Variants in GRM1 observed in about 807,000 individuals in gnomAD.
GRM1 encodes the protein glutamate metabotropic receptor 1.
Under a neutral mutation model 90.9 loss-of-function variants are expected in GRM1, and 33 were observed. That is an observed-to-expected ratio of 0.36 (90% confidence interval 0.28 to 0.49). The LOEUF (loss-of-function observed/expected upper bound fraction) is 0.49. Ranked by LOEUF, GRM1 falls within the 20% of genes least tolerant of loss-of-function variation. The pLI, the probability that GRM1 is intolerant of heterozygous loss-of-function variation, is 0.99. For synonymous variants in GRM1, 700 were observed against 613.2 expected, an observed-to-expected ratio of 1.14 and a Z score of -2.09; for missense variants, 1,190 against 1,534.3, an observed-to-expected ratio of 0.78 and a Z score of 3.75.
intron 1 of GRM1, among the ~76,000 whole-genome samples, chr6:146,139,765 A>G (rs1360326850): frequency 6.6e-6 from 1 of 152,128 alleles, no homozygotes; most frequent in African/African-American, 2.4e-5. Context: ...CCTTTCAATC[A>G]TTCCATATCT....
chr6:146,319,714 C>G (rs190796216), intron 3 of GRM1, among the ~76,000 whole-genome samples: 3 of 152,162 alleles, frequency 2.0e-5, no homozygotes, highest in Admixed American at 6.5e-5. Flanking sequence ...GTATTTTATT[C>G]TCTTTGTAGC....
rs554775853 is a variant in GRM1, at chr6:146,333,025, T to C, written c.1187-19225T>C. On this transcript the variant is annotated intron_variant, in intron 3 of 7. Coordinates refer to ENST00000282753, the MANE Select transcript of GRM1 (RefSeq NM_001278064.2). Reference sequence around the variant, plus strand: ...AGGATCTATTTTCTAGATTATCAAATTAAAAGAAAGTGGTTTTTATTGATA... The same window carrying C: ...AGGATCTATTTTCTAGATTATCAAACTAAAAGAAAGTGGTTTTTATTGATA... Among the ~76,000 whole-genome samples the C allele has an allele frequency of 5.9e-5, 9 of 152,322 alleles. 1 individual carries two copies. In the Middle Eastern group the frequency reaches 0.02, roughly 345 times the overall value.
In GRM1 at chr6:146,029,132, C is replaced by T; in HGVS notation, c.-386C>T. 3.0e-6 allele frequency: 1 copy of T among 334,460 alleles called. No individual in the cohort carries two copies. Among genetic ancestry groups the T allele is most frequent in the South Asian group, 2.6e-5 (1 of 38,114 alleles). The allele number at this position is 334,460 out of a possible 1,614,324, so 20.7% of individuals were successfully genotyped here. A position where few individuals can be genotyped will look rare whatever the true frequency, so the allele number is the denominator to read the frequency against. On this transcript the variant is annotated 5_prime_UTR_variant, in exon 1 of 8. Coordinates refer to ENST00000282753, the MANE Select transcript of GRM1 (RefSeq NM_001278064.2). ...ACAAGGCAACTGTTAACATTATAGA[C>T]CCCAGAGTTTTAACACAGGTCCTCT...
At chr6:146,366,211 T>C (rs1172463592) in intron 5 of GRM1, among the ~76,000 whole-genome samples, 1 of 152,160 alleles carries the variant, frequency 6.6e-6, no homozygotes, top group Non-Finnish European at 1.5e-5. Flanking sequence ...GGCATTTTTA[T>C]TGACACATAA....
chr6:146,387,132 C>G, intron 6 of GRM1, 116 bp downstream of exon 6: 2 of 965,656 alleles, frequency 2.1e-6, no homozygotes, highest in Non-Finnish European at 3.4e-6. Flanking sequence ...ACAATGCACA[C>G]TTTTTAGTCC....
rs554600740 is a variant in GRM1, at chr6:146,260,949, G to C, written c.951-43662G>C. 6.0e-5 allele frequency among the ~76,000 whole-genome samples: 9 copies of C among 151,042 alleles called. No homozygotes were observed. The East Asian group carries it at 1.8e-3, about 30-fold the overall frequency. On this transcript the variant is annotated intron_variant, in intron 2 of 7. Transcript: ENST00000282753. ...CTCACCTCTATATTTTTAGCATCTA[G>C]ATACTGCTTGGCAAAAGCCGGGGTA...
At chr6:146,311,177 C>A in intron 3 of GRM1, among the ~76,000 whole-genome samples, 1 of 152,090 alleles carries the variant, frequency 6.6e-6, no homozygotes, top group South Asian at 2.1e-4. Flanking sequence ...ATCCTGCAAT[C>A]AAAAGAATTT....
upstream of GRM1, among the ~76,000 whole-genome samples, chr6:146,028,589 T>C (rs541486944): frequency 6.6e-6 from 1 of 152,126 alleles, no homozygotes; most frequent in African/African-American, 2.4e-5. Flanking sequence ...ACAGCAAGCC[T>C]GACTTCTTAC....
At chr6:146,122,090 G>C (rs985752781) in intron 1 of GRM1, among the ~76,000 whole-genome samples, 1 of 152,088 alleles carries the variant, frequency 6.6e-6, no homozygotes, top group Non-Finnish European at 1.5e-5. Flanking sequence ...GGTCTCTAAG[G>C]ACTTGCTTCC....
intron 1 of GRM1, among the ~76,000 whole-genome samples, chr6:146,034,799 G>A (rs543088692): frequency 1.3e-5 from 2 of 152,010 alleles, no homozygotes; most frequent in African/African-American, 2.4e-5. Flanking sequence ...CCTTGCAAAT[G>A]TATAAATGGC....
intron 1 of GRM1, among the ~76,000 whole-genome samples, chr6:146,097,031 A>G (rs1044483006): frequency 1.3e-5 from 2 of 152,102 alleles, no homozygotes; most frequent in South Asian, 2.1e-4. Flanking sequence ...TAAATTGAGG[A>G]AATAAAAGAT....
At chr6:146,136,873 G>A (rs1193598603) in intron 1 of GRM1, among the ~76,000 whole-genome samples, 3 of 71,488 alleles carry the variant, frequency 4.2e-5, no homozygotes, top group African/African-American at 9.7e-5. Context: ...TTTTTTTTGA[G>A]ACAGAGCCTT....
At chr6:146,250,388 G>A (rs1781228072) in intron 2 of GRM1, among the ~76,000 whole-genome samples, 1 of 152,188 alleles carries the variant, frequency 6.6e-6, no homozygotes. Flanking sequence ...CATGGGGACA[G>A]TTTCTCCCAT....
chr6:146,299,634 A>G (rs1783303763), intron 2 of GRM1, among the ~76,000 whole-genome samples: 1 of 152,164 alleles, frequency 6.6e-6, no homozygotes, highest in African/African-American at 2.4e-5. Context: ...TACTCCTTCA[A>G]ATCATATTGG....
intron 5 of GRM1, among the ~76,000 whole-genome samples, chr6:146,371,442 C>G (rs1388942132): frequency 6.6e-6 from 1 of 152,080 alleles, no homozygotes; most frequent in Admixed American, 6.6e-5. Context: ...TATTCCTTCC[C>G]TCAAGCATTT....
intron 6 of GRM1, among the ~76,000 whole-genome samples, chr6:146,397,025 C>T (rs1562666577): frequency 6.6e-6 from 1 of 152,116 alleles, no homozygotes; most frequent in Admixed American, 6.5e-5. Flanking sequence ...CATGCTAGTA[C>T]ATGGGAAGGA....
At chr6:146,407,869 A>G (rs923231523) in intron 7 of GRM1, among the ~76,000 whole-genome samples, 7 of 152,216 alleles carry the variant, frequency 4.6e-5, no homozygotes, top group African/African-American at 1.7e-4. Context: ...ATGGTATAAC[A>G]CGTGGTTACA....
chr6:146,287,612 G>T (rs1049136900), intron 2 of GRM1, among the ~76,000 whole-genome samples: 3 of 152,104 alleles, frequency 2.0e-5, no homozygotes, highest in African/African-American at 7.2e-5. Context: ...GGATGTGCCA[G>T]TCCCTTGAAA....
intron 2 of GRM1, among the ~76,000 whole-genome samples, chr6:146,198,008 C>A (rs1005412033): frequency 6.6e-6 from 1 of 152,026 alleles, no homozygotes; most frequent in African/African-American, 2.4e-5. Flanking sequence ...ACAATAAAAA[C>A]AAAAAATAAA....
Sources: allele counts gnomAD v4.1 joint callset (sites outside exome capture counted in the v4.1 genomes callset), GRCh38; gene constraint gnomAD v4.1.1; transcripts MANE v1.5; gene names NCBI Gene and HGNC (gene_info 2026-07-23, HGNC 2026-07-21).